AKAP13: variants seen among roughly 807,000 people sequenced by gnomAD.
The protein encoded by AKAP13 is A-kinase anchor protein 13.
Under a neutral mutation model 264.5 loss-of-function variants are expected in AKAP13, and 80 were observed. The observed-to-expected ratio is 0.30, with a 90% CI of 0.25 to 0.36. The LOEUF (loss-of-function observed/expected upper bound fraction) is 0.36. AKAP13 is among the 10% of genes least tolerant of loss of function. The pLI is 1.00. For missense variants in AKAP13, 3,712 were observed against 3,435.2 expected, an observed-to-expected ratio of 1.08 and a Z score of -2.01; for synonymous variants, 1,380 against 1,250.2, an observed-to-expected ratio of 1.10 and a Z score of -2.19.
At chr15:85,649,584 TCTCTGGC>T (rs2082712206) in intron 10 of AKAP13, among the ~76,000 whole-genome samples, 2 of 152,320 alleles carry the variant, frequency 1.3e-5, no homozygotes, top group South Asian at 4.1e-4. Context: ...GCCATTTGTG[TCTCTGGC>T]CTCACAGAGG....
chr15:85,556,824 C>T (rs1044400052), intron 5 of AKAP13, among the ~76,000 whole-genome samples: 7 of 152,188 alleles, frequency 4.6e-5, no homozygotes, highest in Non-Finnish European at 1.5e-5. Flanking sequence ...GTCACCTCCT[C>T]AGAAAGCTCT....
intron 10 of AKAP13, among the ~76,000 whole-genome samples, chr15:85,646,363 G>A (rs2082559906): frequency 6.6e-6 from 1 of 152,130 alleles, no homozygotes; most frequent in Non-Finnish European, 1.5e-5. Flanking sequence ...GGAGGTGGAG[G>A]TTGCAGTGAG....
At chr15:85,536,197 T>C (rs2077392682) in intron 4 of AKAP13, 1 of 152,232 alleles carries the variant, frequency 6.6e-6, no homozygotes, top group South Asian at 2.1e-4. Context: ...TGGTAAATTT[T>C]CTGTTGCACA....
chr15:85,400,876 T>TATATGTATATATATATATATATA (rs2071391358), intron 1 of AKAP13, among the ~76,000 whole-genome samples: 2 of 45,474 alleles, frequency 4.4e-5, no homozygotes, highest in Admixed American at 1.8e-4. Context: ...ATATATATAT[T>TATATGTATATATATATATATATA]TTTTTTTTTT....
chr15:85,583,138 TC>T, intron 7 of AKAP13: 1 of 985,466 alleles, frequency 1.0e-6, no homozygotes, highest in East Asian at 1.1e-4. Context: ...AAGACCTATC[TC>T]CATGCTTGCC....
chr15:85,403,006 T>C (rs182377429), intron 1 of AKAP13, among the ~76,000 whole-genome samples: 117 of 152,368 alleles, frequency 7.7e-4, no homozygotes, highest in Non-Finnish European at 9.8e-4. Context: ...ACGTTCATTG[T>C]TCTTAACTGC....
rs372282894 is a variant in AKAP13, at chr15:85,585,731, G to A, written c.4069G>A (p.Val1357Met). 3.1e-6 allele frequency: 5 copies of A among 1,614,164 alleles called. No homozygotes were observed. The African/African-American group carries it at 6.7e-5, about 22-fold the overall frequency. The change falls in exon 8 of 37, where the codon GTG (valine) becomes ATG (methionine). Residue 1357 changes from valine (V) to methionine (M), a missense_variant. Physicochemically the swap from Val to Met is conservative, Grantham distance 21. Transcript: ENST00000394518. ...GCCAGACGTGAAAGCTGAAGATGAA[G>A]TGGATTTTAGAGCAAGTTCAATTTC... Reference protein sequence around the residue: ...EMPDVKAEDEVDFRASSISEE... With the variant: ...EMPDVKAEDEMDFRASSISEE...
At chr15:85,619,408 T>C (rs1424135420) in intron 8 of AKAP13, 1 of 985,262 alleles carries the variant, frequency 1.0e-6, no homozygotes, top group East Asian at 1.1e-4. Context: ...CCTTTTACTC[T>C]GCTGTCCTTA....
At chr15:85,732,916 C>T (rs1246241458) in intron 30 of AKAP13, among the ~76,000 whole-genome samples, 1 of 152,114 alleles carries the variant, frequency 6.6e-6, no homozygotes, top group Non-Finnish European at 1.5e-5. Context: ...GCTACCACTA[C>T]ATATGACTTT....
chr15:85,529,290 G>A lies in AKAP13; in HGVS notation c.182-4294G>A, dbSNP rs568428690. On this transcript the variant is annotated intron_variant, in intron 3 of 36. Transcript: ENST00000394518. ...AAAAAAATTAGCGGGGCATGGTGGC[G>A]GGTGCCTGTAGTCCCAGCTACTCAG... Among the ~76,000 whole-genome samples the A allele has an allele frequency of 1.6e-4, 24 of 152,242 alleles. No homozygotes were observed. In the East Asian group the frequency reaches 4.3e-3, roughly 27 times the overall value.
chr15:85,427,180 C>T (rs1555428121), intron 1 of AKAP13, among the ~76,000 whole-genome samples: 1 of 152,066 alleles, frequency 6.6e-6, no homozygotes, highest in Non-Finnish European at 1.5e-5. Context: ...CGGTCTCGAT[C>T]TCATGTCCTT....
intron 8 of AKAP13, among the ~76,000 whole-genome samples, chr15:85,610,520 C>G (rs1265832693): frequency 6.6e-6 from 1 of 151,868 alleles, no homozygotes; most frequent in Non-Finnish European, 1.5e-5. Flanking sequence ...GTCCCTTTTT[C>G]TCTGTCAGTG....
At chr15:85,687,909 A>T (rs2085037308) in intron 16 of AKAP13, among the ~76,000 whole-genome samples, 1 of 151,886 alleles carries the variant, frequency 6.6e-6, no homozygotes. Context: ...GCGTAGTGGC[A>T]CACACCTGTA....
At chr15:85,465,685 T>G (rs191446908) in intron 1 of AKAP13, among the ~76,000 whole-genome samples, 123 of 151,888 alleles carry the variant, frequency 8.1e-4, no homozygotes, top group African/African-American at 2.9e-3. Flanking sequence ...CATGAACTTA[T>G]CATTTTTTAT....
intron 19 of AKAP13, among the ~76,000 whole-genome samples, chr15:85,713,333 A>C (rs2086730016): frequency 1.3e-5 from 2 of 152,260 alleles, no homozygotes; most frequent in African/African-American, 2.4e-5. Context: ...CTTTTACATT[A>C]ATACTACATA....
intron 12 of AKAP13, among the ~76,000 whole-genome samples, chr15:85,661,946 GCA>G (rs2083370731): frequency 1.3e-5 from 2 of 150,386 alleles, no homozygotes; most frequent in Admixed American, 6.6e-5. Flanking sequence ...GCCCACCAGA[GCA>G]CAGTTTGTCA....
At chr15:85,385,506 A>G (rs1260784545) in intron 1 of AKAP13, among the ~76,000 whole-genome samples, 3 of 152,202 alleles carry the variant, frequency 2.0e-5, no homozygotes. Flanking sequence ...TTCATCCTCC[A>G]GAATTCTTCT....
chr15:85,495,995 G>A (rs980749801), intron 2 of AKAP13, among the ~76,000 whole-genome samples: 1 of 152,124 alleles, frequency 6.6e-6, no homozygotes, highest in African/African-American at 2.4e-5. Context: ...ATATTGTTCT[G>A]TTTTCCCAAG....
intron 1 of AKAP13, among the ~76,000 whole-genome samples, chr15:85,442,459 A>G (rs1300021781): frequency 2.5e-5 from 3 of 122,396 alleles, no homozygotes; most frequent in Non-Finnish European, 3.4e-5. Flanking sequence ...TACATATATA[A>G]TATACATAAT....
Sources: gnomAD v4.1 joint callset for allele counts (sites outside exome capture counted in the v4.1 genomes callset) on GRCh38, gnomAD v4.1.1 for gene constraint, MANE v1.5 for transcripts, NCBI Gene and HGNC (gene_info 2026-07-23, HGNC 2026-07-21) for gene names.